Variants in CLIC6 observed in about 807,000 individuals in gnomAD.
CLIC6 encodes chloride intracellular channel protein 6.
In CLIC6, 39 loss-of-function variants were observed where a neutral mutation model predicts 49.2. That is an observed-to-expected ratio of 0.79 (90% confidence interval 0.61 to 1.04). The LOEUF (loss-of-function observed/expected upper bound fraction) is 1.04, where lower values mean the gene tolerates loss of function less well. CLIC6 is among the 50% of genes least tolerant of loss of function. The pLI is 0.00. For missense variants in CLIC6, 988 were observed against 993.1 expected, an observed-to-expected ratio of 0.99 and a Z score of 0.07; for synonymous variants, 446 against 433.4, an observed-to-expected ratio of 1.03 and a Z score of -0.36.
rs1216827114 is a variant in CLIC6 at position 34,709,395 on chromosome 21, G to C, written c.1756G>C (p.Asp586His). 1 of 1,613,988 alleles carries C rather than the reference G, an allele frequency of 6.2e-7. No homozygotes were observed. The highest frequency in any genetic ancestry group is 8.5e-7 in the Non-Finnish European group (1 of 1,180,008). Reference protein sequence around the residue: ...KNLLKALRKLDNYLNSPLPDE... With the variant: ...KNLLKALRKLHNYLNSPLPDE... ...CCTGCTGAAGGCCCTGAGGAAGCTG[G>C]ATAATTACTTAAATAGCCCTCTGCC... is the stretch of plus-strand genomic sequence containing the variant. Residue 586 changes from aspartate (D) to histidine (H), a missense_variant, in exon 5 of 6, where the codon GAT becomes CAT. By Grantham distance (81) the Asp-to-His change is moderately conservative. This residue lies in a region of CLIC6 where 647 missense variants were observed against 596.9 expected (regional missense o/e 1.08). Coordinates refer to ENST00000349499, the MANE Select transcript of CLIC6 (RefSeq NM_053277.3).
intron 1 of CLIC6, among the ~76,000 whole-genome samples, chr21:34,680,014 G>A (rs746247261): frequency 6.6e-6 from 1 of 152,232 alleles, no homozygotes; most frequent in East Asian, 1.9e-4. Flanking sequence ...ACTAGGCAGT[G>A]CCCCAGTGGG....
intron 1 of CLIC6, among the ~76,000 whole-genome samples, chr21:34,705,780 A>G (rs542810743): frequency 3.3e-5 from 5 of 151,992 alleles, no homozygotes; most frequent in East Asian, 1.9e-4. Flanking sequence ...GGATCATCCA[A>G]TTGGGGGTTC....
intron 1 of CLIC6, among the ~76,000 whole-genome samples, chr21:34,682,801 A>ATTT (rs1172251761): frequency 0.022 from 1,516 of 69,314 alleles, 369 homozygotes; most frequent in Non-Finnish European, 0.026. Flanking sequence ...CTTTCCCTCC[A>ATTT]TTTTTTTTTT....
intron 1 of CLIC6, among the ~76,000 whole-genome samples, chr21:34,698,894 C>T (rs1438568696): frequency 6.6e-6 from 1 of 152,116 alleles, no homozygotes; most frequent in African/African-American, 2.4e-5. Flanking sequence ...CTCTGAGACC[C>T]GGCAAGAGTG....
chr21:34,693,962 TTGTTGTTG>T (rs1990044027), intron 1 of CLIC6, among the ~76,000 whole-genome samples: 1 of 148,888 alleles, frequency 6.7e-6, no homozygotes, highest in African/African-American at 2.5e-5. Context: ...GTTGTTGTTG[TTGTTGTTG>T]TTTTCTTTTT....
chr21:34,702,264 T>C (rs1223881920), intron 1 of CLIC6, among the ~76,000 whole-genome samples: 1 of 152,052 alleles, frequency 6.6e-6, no homozygotes, highest in South Asian at 2.1e-4. Flanking sequence ...GAAGACCCAA[T>C]AGGGCTGAAA....
At chr21:34,701,810 A>C (rs1296079841) in intron 1 of CLIC6, among the ~76,000 whole-genome samples, 3 of 152,202 alleles carry the variant, frequency 2.0e-5, no homozygotes, top group African/African-American at 7.2e-5. Context: ...AAAATCAAGA[A>C]GTCTCATCAA....
chr21:34,716,049 C>T (rs2056083394), intron 5 of CLIC6, among the ~76,000 whole-genome samples: 1 of 152,198 alleles, frequency 6.6e-6, no homozygotes, highest in Non-Finnish European at 1.5e-5. Flanking sequence ...AGAGCATACT[C>T]GTGCCAGCGG....
At chr21:34,693,774 G>A (rs573976782) in intron 1 of CLIC6, among the ~76,000 whole-genome samples, 85 of 152,180 alleles carry the variant, frequency 5.6e-4, no homozygotes, top group Non-Finnish European at 1.0e-3. Flanking sequence ...ACAAGTCGAC[G>A]TAGAGGAGTT....
At chr21:34,696,652 A>G (rs188961065) in intron 1 of CLIC6, among the ~76,000 whole-genome samples, 1 of 152,366 alleles carries the variant, frequency 6.6e-6, no homozygotes, top group Admixed American at 6.5e-5. Flanking sequence ...CTGAGTTGAT[A>G]CAAGTGCTCA....
intron 1 of CLIC6, among the ~76,000 whole-genome samples, chr21:34,688,739 G>A (rs1601271301): frequency 6.6e-6 from 1 of 152,332 alleles, no homozygotes; most frequent in East Asian, 1.9e-4. Context: ...TGGGTCTCAT[G>A]ACTGGGATGC....
chr21:34,710,552 G>A (rs1019997335), intron 5 of CLIC6, among the ~76,000 whole-genome samples: 4 of 152,194 alleles, frequency 2.6e-5, no homozygotes, highest in South Asian at 2.1e-4. Flanking sequence ...GGCGGCTCAC[G>A]CCTGTAATCC....
At chr21:34,708,112 TC>T (rs1242864704) in intron 3 of CLIC6, 43 bp downstream of exon 3, 2 of 1,610,840 alleles carry the variant, frequency 1.2e-6, no homozygotes, top group South Asian at 2.2e-5. Context: ...ATTGTCACTT[TC>T]CCCCACTAGT....
chr21:34,697,566 G>A (rs1226959447), intron 1 of CLIC6, among the ~76,000 whole-genome samples: 2 of 152,184 alleles, frequency 1.3e-5, no homozygotes, highest in Non-Finnish European at 2.9e-5. Context: ...GCTTCTTGGT[G>A]AGGAAAACAT....
chr21:34,670,633 C>T lies in CLIC6; in HGVS notation c.1245C>T (p.Asn415=). Reference sequence around the variant, plus strand: ...CGGAGCCTGAGGCCCAGCTCAGCAACCACCTGGCCGAGGAGGGCCCCGCCG... The same window carrying T: ...CGGAGCCTGAGGCCCAGCTCAGCAATCACCTGGCCGAGGAGGGCCCCGCCG... ...GAAEPEAQLS[N]HLAEEGPAEG... The change falls in exon 1 of 6, where the codon AAC becomes AAT. Residue 415 remains asparagine (N), a synonymous_variant. Coordinates refer to ENST00000349499, the MANE Select transcript of CLIC6 (RefSeq NM_053277.3). 2 of 1,553,212 alleles carry T rather than the reference C, an allele frequency of 1.3e-6. No individual in the cohort carries two copies. The highest frequency in any genetic ancestry group is 1.7e-6 in the Non-Finnish European group (2 of 1,150,908).
intron 1 of CLIC6, among the ~76,000 whole-genome samples, chr21:34,696,281 G>A (rs1223394578): frequency 6.6e-6 from 1 of 152,196 alleles, no homozygotes; most frequent in African/African-American, 2.4e-5. Flanking sequence ...ATGTTTTACA[G>A]CCTCAACCCA....
rs990075750 is a variant in CLIC6, at chr21:34,669,015, G to T, written c.-374G>T. On this transcript the variant is annotated 5_prime_UTR_variant, in exon 1 of 6. Coordinates refer to ENST00000349499, the MANE Select transcript of CLIC6 (RefSeq NM_053277.3). ...GGTCAACCCCAGGACAGCGGACAGC[G>T]GGCCGGGCACTTCCAAAGGCGCAGG... is the stretch of plus-strand genomic sequence containing the variant. Among the ~76,000 whole-genome samples the T allele has an allele frequency of 4.6e-5, 7 of 152,290 alleles. No homozygotes were observed. In the East Asian group the frequency reaches 9.7e-4, roughly 21 times the overall value.
chr21:34,699,587 C>T (rs1227042957), intron 1 of CLIC6, among the ~76,000 whole-genome samples: 1 of 151,970 alleles, frequency 6.6e-6, no homozygotes, highest in Admixed American at 6.6e-5. Context: ...TTAAAGTCAC[C>T]TTAGAAATTG....
chr21:34,686,317 C>T (rs1989877884), intron 1 of CLIC6, among the ~76,000 whole-genome samples: 1 of 152,184 alleles, frequency 6.6e-6, no homozygotes, highest in Non-Finnish European at 1.5e-5. Flanking sequence ...AGAAGAATCA[C>T]TTGAACTCAA....
Sources: gnomAD v4.1 joint callset for allele counts (sites outside exome capture counted in the v4.1 genomes callset) on GRCh38, gnomAD v4.1.1 for gene constraint, gnomAD v4.1.1 regional missense constraint, MANE v1.5 for transcripts, NCBI Gene and HGNC (gene_info 2026-07-23, HGNC 2026-07-21) for gene names.